SGCZ: variants seen among roughly 807,000 people sequenced by gnomAD.
SGCZ encodes the protein sarcoglycan zeta, also known as zeta-sarcoglycan.
In SGCZ, 40 loss-of-function variants were observed where a neutral mutation model predicts 41.3. The observed-to-expected ratio is 0.97, with a 90% CI of 0.75 to 1.26. SGCZ has a LOEUF of 1.26. Among genes scored for constraint, SGCZ ranks in the 50% most tolerant of loss-of-function variants. The pLI, the probability that SGCZ is intolerant of heterozygous loss-of-function variation, is 0.00. For synonymous variants in SGCZ, 206 were observed against 137.5 expected, an observed-to-expected ratio of 1.50 and a Z score of -3.49; for missense variants, 552 against 369.8, an observed-to-expected ratio of 1.49 and a Z score of -4.04.
At chr8:14,222,792 A>ATTTTTTTTTTTTTTTTTTTTTTTTTTT (rs775444301) in intron 4 of SGCZ, among the ~76,000 whole-genome samples, 1 of 48,854 alleles carries the variant, frequency 2.0e-5, no homozygotes, top group African/African-American at 9.1e-5. Context: ...AGTCACAGTG[A>ATTTTTTTTTTTTTTTTTTTTTTTTTTT]TTTTTTTTTT....
chr8:14,266,780 G>A (rs943077559), intron 3 of SGCZ, among the ~76,000 whole-genome samples: 7 of 151,872 alleles, frequency 4.6e-5, no homozygotes, highest in African/African-American at 7.3e-5. Context: ...AAGTAGATGA[G>A]GTAAAAACGA....
chr8:14,431,643 A>G (rs1563325043), intron 2 of SGCZ, among the ~76,000 whole-genome samples: 1 of 152,180 alleles, frequency 6.6e-6, no homozygotes, highest in Non-Finnish European at 1.5e-5. Context: ...ATTTCATGAC[A>G]AAGAACCCAA....
chr8:14,095,525 G>A (rs1314568702), intron 7 of SGCZ, among the ~76,000 whole-genome samples: 1 of 152,160 alleles, frequency 6.6e-6, no homozygotes, highest in Non-Finnish European at 1.5e-5. Context: ...AAAGTTTGAA[G>A]ACATGTAGCA....
chr8:14,925,500 G>A (rs886966875), intron 1 of SGCZ, among the ~76,000 whole-genome samples: 2 of 152,170 alleles, frequency 1.3e-5, no homozygotes, highest in Non-Finnish European at 2.9e-5. Context: ...GCTTCTTAAA[G>A]GCTAAGTTTT....
intron 1 of SGCZ, among the ~76,000 whole-genome samples, chr8:14,877,896 G>T (rs545316033): frequency 2.0e-5 from 3 of 149,284 alleles, no homozygotes; most frequent in Non-Finnish European, 3.0e-5. Flanking sequence ...ATGCAAAAGG[G>T]TTTTTTTTTT....
chr8:15,077,223 G>T (rs1030041834), intron 1 of SGCZ, among the ~76,000 whole-genome samples: 1 of 152,144 alleles, frequency 6.6e-6, no homozygotes, highest in African/African-American at 2.4e-5. Flanking sequence ...AATGGCTTCA[G>T]TGTTAAGTAC....
Position 14,888,417 on chromosome 8 carries a change from T to C in SGCZ, c.40-333491A>G, listed in dbSNP as rs182904119. Among the ~76,000 whole-genome samples the C allele has an allele frequency of 4.6e-5, 7 of 152,272 alleles. No individual in the cohort carries two copies. The East Asian group carries it at 1.3e-3, about 29-fold the overall frequency. The stretch of plus-strand genomic sequence containing the variant: ...AACCCTCTTGCACTTGAACCGTGAC[T>C]ATGATTTCAAAGAATTGCCTGATCA... On this transcript the variant is annotated intron_variant, in intron 1 of 7. Coordinates refer to ENST00000382080, the MANE Select transcript of SGCZ (RefSeq NM_139167.4).
At chr8:14,605,792 G>C (rs1805730065) in intron 1 of SGCZ, among the ~76,000 whole-genome samples, 1 of 151,972 alleles carries the variant, frequency 6.6e-6, no homozygotes, top group Non-Finnish European at 1.5e-5. Context: ...TCAAGATTTA[G>C]GTGAACAGAA....
At chr8:14,216,585 T>C (rs1806000744) in intron 4 of SGCZ, among the ~76,000 whole-genome samples, 1 of 152,176 alleles carries the variant, frequency 6.6e-6, no homozygotes, top group Admixed American at 6.5e-5. Flanking sequence ...CGGGATTTAT[T>C]CTAGGTATGC....
At chr8:14,308,174 T>C (rs1410263917) in intron 3 of SGCZ, among the ~76,000 whole-genome samples, 2 of 152,098 alleles carry the variant, frequency 1.3e-5, no homozygotes, top group South Asian at 2.1e-4. Flanking sequence ...GCTGGACATA[T>C]AGAACATTAC....
intron 1 of SGCZ, among the ~76,000 whole-genome samples, chr8:14,967,438 G>T (rs895447343): frequency 6.6e-6 from 1 of 152,088 alleles, no homozygotes; most frequent in African/African-American, 2.4e-5. Context: ...GTGATCCCAT[G>T]CACACCTCTG....
At chr8:14,977,952 T>C (rs1335356841) in intron 1 of SGCZ, among the ~76,000 whole-genome samples, 5 of 152,010 alleles carry the variant, frequency 3.3e-5, no homozygotes, top group Non-Finnish European at 7.4e-5. Flanking sequence ...GTTTATTTTT[T>C]TCAAATGCAT....
intron 4 of SGCZ, among the ~76,000 whole-genome samples, chr8:14,207,430 ATACT>A (rs1805653078): frequency 6.6e-6 from 1 of 152,200 alleles, no homozygotes; most frequent in South Asian, 2.1e-4. Flanking sequence ...ATATTGTAAA[ATACT>A]TAGTTCAGAA....
intron 2 of SGCZ, among the ~76,000 whole-genome samples, chr8:14,440,432 C>A (rs79380090): frequency 1.3e-5 from 2 of 151,832 alleles, no homozygotes; most frequent in African/African-American, 4.8e-5. Flanking sequence ...CACTTTTTTC[C>A]GCCTGGGTTT....
chr8:14,712,287 C>G (rs1809545422), intron 1 of SGCZ, among the ~76,000 whole-genome samples: 1 of 152,216 alleles, frequency 6.6e-6, no homozygotes, highest in Non-Finnish European at 1.5e-5. Flanking sequence ...CAGGCTGGCG[C>G]TGCCTGGTTG....
At chr8:15,153,138 T>G (rs1297517656) in intron 1 of SGCZ, among the ~76,000 whole-genome samples, 2 of 152,144 alleles carry the variant, frequency 1.3e-5, no homozygotes, top group Non-Finnish European at 2.9e-5. Flanking sequence ...AATATATAAT[T>G]AGTACAATTT....
intron 1 of SGCZ, among the ~76,000 whole-genome samples, chr8:14,894,926 T>G (rs1654947515): frequency 6.6e-6 from 1 of 152,166 alleles, no homozygotes; most frequent in Non-Finnish European, 1.5e-5. Context: ...AAATTTGATT[T>G]ATGAAACTGA....
rs577490907 is a variant in SGCZ at position 14,315,482 on chromosome 8, G to T, written c.336+8621C>A. 1.6e-4 allele frequency among the ~76,000 whole-genome samples: 24 copies of T among 151,892 alleles called. No homozygotes were observed. In the South Asian group the frequency reaches 4.8e-3, roughly 30 times the overall value. On this transcript the variant is annotated intron_variant, in intron 3 of 7. Coordinates refer to ENST00000382080, the MANE Select transcript of SGCZ (RefSeq NM_139167.4). ...AATGGAAGGTGTGTGTGATGCAAGG[G>T]GATAAGGATAAAAAACAGTCAAAGC...
At chr8:15,085,721 T>G (rs569057754) in intron 1 of SGCZ, among the ~76,000 whole-genome samples, 2 of 152,146 alleles carry the variant, frequency 1.3e-5, no homozygotes, top group African/African-American at 4.8e-5. Flanking sequence ...TTTGCTACTC[T>G]TTTTTTCCTC....
Sources: gnomAD v4.1 joint callset for allele counts (sites outside exome capture counted in the v4.1 genomes callset) on GRCh38, gnomAD v4.1.1 for gene constraint, MANE v1.5 for transcripts, NCBI Gene and HGNC (gene_info 2026-07-23, HGNC 2026-07-21) for gene names.